The following HIF1A variants were observed in gnomAD, a reference collection of about 807,000 sequenced individuals.
HIF1A encodes the protein hypoxia inducible factor 1 subunit alpha.
In HIF1A, 24 loss-of-function variants were observed where a neutral mutation model predicts 92.7. The observed-to-expected ratio is 0.26, with a 90% CI of 0.19 to 0.36. HIF1A has a LOEUF of 0.36. HIF1A is among the 10% of genes least tolerant of loss of function. HIF1A has a pLI of 1.00. For synonymous variants in HIF1A, 319 were observed against 338.7 expected (o/e 0.94, Z 0.64); for missense variants, 799 against 998.5 (o/e 0.80, Z 2.69).
intron 1 of HIF1A, among the ~76,000 whole-genome samples, chr14:61,716,631 A>G (rs1222054075): frequency 6.6e-6 from 1 of 152,104 alleles, no homozygotes; most frequent in African/African-American, 2.4e-5. Context: ...CCTACTACAA[A>G]GCACTAAATA....
At chr14:61,697,721 T>C in intron 1 of HIF1A, 1 of 1,293,120 alleles carries the variant, frequency 7.7e-7, no homozygotes, top group Non-Finnish European at 9.8e-7. Context: ...TAATAAGTGG[T>C]GGTTACTCAG....
At chr14:61,746,601 C>A (rs1013864773) in intron 14 of HIF1A, among the ~76,000 whole-genome samples, 4 of 151,902 alleles carry the variant, frequency 2.6e-5, no homozygotes, top group Non-Finnish European at 5.9e-5. Flanking sequence ...CACTATGTTG[C>A]CTAGGCTGGT....
intron 1 of HIF1A, among the ~76,000 whole-genome samples, chr14:61,697,261 A>G (rs1352090174): frequency 1.3e-5 from 2 of 152,220 alleles, no homozygotes; most frequent in African/African-American, 4.8e-5. Flanking sequence ...AAAGTGAGCA[A>G]ACAGGTCTAG....
At position 61,734,143 on chromosome 14, in the gene HIF1A, A is replaced by C; in HGVS notation, c.886A>C (p.Thr296Pro). Reference sequence around the variant, plus strand: ...CTTTTTCTTTTCCCCCCTAGTGTTTACTAAAGGACAAGTCACCACAGGACA... The same window carrying C: ...CTTTTTCTTTTCCCCCCTAGTGTTTCCTAAAGGACAAGTCACCACAGGACA... ...HLTKTHHDMFTKGQVTTGQYR... is the reference protein window; with the variant it reads ...HLTKTHHDMFPKGQVTTGQYR... The change falls in exon 8 of 15, where the codon ACT (threonine) becomes CCT (proline). Residue 296 changes from threonine (T) to proline (P), a missense_variant. Coordinates refer to ENST00000337138, the MANE Select transcript of HIF1A (RefSeq NM_001530.4). 6.4e-7 allele frequency: 1 copy of C among 1,561,424 alleles called. No individual in the cohort carries two copies.
At chr14:61,701,411 A>C (rs1211811147) in intron 1 of HIF1A, among the ~76,000 whole-genome samples, 2 of 152,140 alleles carry the variant, frequency 1.3e-5, no homozygotes. Context: ...TCTAGTATTT[A>C]ATATTGCAAT....
At chr14:61,706,598 G>A (rs563677593) in intron 1 of HIF1A, among the ~76,000 whole-genome samples, 86 of 152,244 alleles carry the variant, frequency 5.6e-4, no homozygotes, top group African/African-American at 2.0e-3. Context: ...AAATTTGCTG[G>A]CCTACCTGTT....
Position 61,741,242 on chromosome 14 carries a change from G to A in HIF1A, c.2093+54G>A, listed in dbSNP as rs140552278. On this transcript the variant is annotated intron_variant, in intron 12 of 14. Coordinates refer to ENST00000337138, the MANE Select transcript of HIF1A (RefSeq NM_001530.4). ...TTCTTTTATTATTTTTGAGATAAAT[G>A]TATGTGATAGTACATGATTTTTAAA... 8.2e-3 allele frequency: 9,871 copies of A among 1,210,338 alleles called. 56 individuals are homozygous for A. The highest frequency in any genetic ancestry group is 0.027 in the Middle Eastern group (135 of 5,020). The allele number at this position is 1,210,338 out of a possible 1,614,324, so 75.0% of individuals were successfully genotyped here. A position where few individuals can be genotyped will look rare whatever the true frequency, so the allele number is the denominator to read the frequency against.
chr14:61,736,574 C>T (rs148005091), intron 8 of HIF1A, among the ~76,000 whole-genome samples: 1 of 152,142 alleles, frequency 6.6e-6, no homozygotes, highest in African/African-American at 2.4e-5. Context: ...TGAGAACATG[C>T]AGCATTTGGT....
At chr14:61,742,617 G>A (rs1442453701) in intron 12 of HIF1A, among the ~76,000 whole-genome samples, 1 of 152,102 alleles carries the variant, frequency 6.6e-6, no homozygotes, top group Non-Finnish European at 1.5e-5. Flanking sequence ...AGGGCGCAGT[G>A]GCTCATCACT....
Position 61,740,997 on chromosome 14 carries a change from C to T in HIF1A, c.1902C>T (p.Asp634=). The change falls in exon 12 of 15, where the codon GAC becomes GAT. Residue 634 remains aspartate (D), a synonymous_variant. Transcript: ENST00000337138. ...CAGTGACAAAAGACCGTATGGAAGA[C>T]ATTAAAATATTGATTGCATCTCCAT... ...LKTVTKDRME[D]IKILIASPSP... 4 of 1,614,098 alleles carry T rather than the reference C, an allele frequency of 2.5e-6. No individual in the cohort carries two copies. The South Asian group carries it at 4.4e-5, about 18-fold the overall frequency.
chr14:61,742,541 T>A (rs1424185177), intron 12 of HIF1A, among the ~76,000 whole-genome samples: 1 of 152,182 alleles, frequency 6.6e-6, no homozygotes, highest in Non-Finnish European at 1.5e-5. Context: ...TTGGGCATTT[T>A]AGTGATACTA....
At chr14:61,702,879 C>T (rs2044193396) in intron 1 of HIF1A, among the ~76,000 whole-genome samples, 1 of 152,150 alleles carries the variant, frequency 6.6e-6, no homozygotes, top group African/African-American at 2.4e-5. Context: ...GGACTGAGTA[C>T]TGTTTTTAAC....
chr14:61,718,698 T>C (rs1192731152), intron 1 of HIF1A, among the ~76,000 whole-genome samples: 1 of 152,234 alleles, frequency 6.6e-6, no homozygotes, highest in Non-Finnish European at 1.5e-5. Context: ...TTTTTTTTTA[T>C]TGTACAGCAT....
At position 61,747,013 on chromosome 14, in the gene HIF1A, T is replaced by G. The variant is rs1220369809; in HGVS notation, c.2409T>G (p.Asn803Lys). The G allele has an allele frequency of 1.2e-6, 2 of 1,613,852 alleles. No individual in the cohort carries two copies. The highest frequency in any genetic ancestry group is 1.7e-6 in the Non-Finnish European group (2 of 1,179,740). ...PQLTSYDCEVNAPIQGSRNLL... is the reference protein window; with the variant it reads ...PQLTSYDCEVKAPIQGSRNLL... ...TGACCAGTTATGATTGTGAAGTTAA[T>G]GCTCCTATACAAGGCAGCAGAAACC... Residue 803 changes from asparagine (N) to lysine (K), a missense_variant, in exon 15 of 15, where the codon AAT becomes AAG. Transcript: ENST00000337138.
chr14:61,739,111 G>A (rs2140154786), intron 10 of HIF1A, among the ~76,000 whole-genome samples: 1 of 152,254 alleles, frequency 6.6e-6, no homozygotes, highest in African/African-American at 2.4e-5. Context: ...GTTTAAATGG[G>A]AAAGGACCTT....
chr14:61,740,664 A>T, intron 11 of HIF1A, 37 bp downstream of exon 11: 1 of 1,553,736 alleles, frequency 6.4e-7, no homozygotes, highest in Non-Finnish European at 8.7e-7. Flanking sequence ...AAATTTCATT[A>T]ATTTTTAGTC....
At chr14:61,713,353 C>T (rs2044328277) in intron 1 of HIF1A, among the ~76,000 whole-genome samples, 1 of 152,142 alleles carries the variant, frequency 6.6e-6, no homozygotes, top group Admixed American at 6.5e-5. Context: ...GGTTCCCAAA[C>T]TTACGTATCA....
In HIF1A at chr14:61,695,660, A is replaced by C; in HGVS notation, c.-145A>C. On this transcript the variant is annotated 5_prime_UTR_variant, in exon 1 of 15. Coordinates refer to ENST00000337138, the MANE Select transcript of HIF1A (RefSeq NM_001530.4). ...CGGCGATTGCCGCCCGCTTCTCTCT[A>C]GTCTCACGAGGGGTTTCCCGCCTCG... The C allele has an allele frequency of 1.2e-6, 1 of 820,188 alleles. No homozygotes were observed. The highest frequency in any genetic ancestry group is 1.9e-6 in the Non-Finnish European group (1 of 527,618). 50.8% of individuals were successfully genotyped at this position (820,188 alleles called of 1,614,324 possible).
rs549527011 is a variant in HIF1A, at chr14:61,737,796, G to A, written c.1250-291G>A. On this transcript the variant is annotated intron_variant, in intron 9 of 14. Transcript: ENST00000337138. ...AATCCCAGCACTTTGGGAGGCCGAG[G>A]CGGGTGGATCACTTGAGGTTAGGAG... Among the ~76,000 whole-genome samples, 85 of 152,286 alleles carry A rather than the reference G, an allele frequency of 5.6e-4. 2 individuals are homozygous for A. In the East Asian group the frequency reaches 0.015, roughly 27 times the overall value.
Sources: gnomAD v4.1 joint callset for allele counts (sites outside exome capture counted in the v4.1 genomes callset) on GRCh38, gnomAD v4.1.1 for gene constraint, MANE v1.5 for transcripts, NCBI Gene and HGNC (gene_info 2026-07-23, HGNC 2026-07-21) for gene names.